Variants in KLHL29 observed in about 807,000 individuals in gnomAD.
The protein encoded by KLHL29 is kelch like family member 29.
KLHL29 carries 21 observed loss-of-function variants against 80.4 expected under a neutral mutation model. That is an observed-to-expected ratio of 0.26 (90% CI 0.19 to 0.38). The LOEUF (loss-of-function observed/expected upper bound fraction) is 0.38. KLHL29 is among the 10% of genes least tolerant of loss of function. KLHL29 has a pLI of 1.00. For synonymous variants in KLHL29, 511 were observed against 526.8 expected (o/e 0.97, Z 0.41); for missense variants, 867 against 1,223.9 (o/e 0.71, Z 4.35).
At chr2:23,668,897 C>G (rs1275304425) in intron 5 of KLHL29, 1 of 152,514 alleles carries the variant, frequency 6.6e-6, no homozygotes, top group Non-Finnish European at 1.5e-5. Flanking sequence ...AGGGAGCCAG[C>G]CTGGGCCTCC....
intron 3 of KLHL29, among the ~76,000 whole-genome samples, chr2:23,586,061 G>T (rs1054293779): frequency 6.6e-6 from 1 of 152,072 alleles, no homozygotes; most frequent in Non-Finnish European, 1.5e-5. Flanking sequence ...CCTCTGGGGA[G>T]GCTTAACTAT....
chr2:23,510,187 G>A (rs1042647051), intron 2 of KLHL29, among the ~76,000 whole-genome samples: 4 of 152,110 alleles, frequency 2.6e-5, no homozygotes, highest in African/African-American at 9.7e-5. Flanking sequence ...CTGAAATCTT[G>A]CCCTCAGAAG....
At chr2:23,492,605 G>C (rs1002107363) in intron 2 of KLHL29, among the ~76,000 whole-genome samples, 3 of 152,222 alleles carry the variant, frequency 2.0e-5, no homozygotes. Flanking sequence ...TGGGAAGTAA[G>C]GGAATTAAGA....
chr2:23,627,924 T>TTTTTTTTTA (rs1558414555), intron 3 of KLHL29, among the ~76,000 whole-genome samples: 2 of 149,934 alleles, frequency 1.3e-5, no homozygotes, highest in Admixed American at 6.6e-5. Flanking sequence ...TTTTTTTTTT[T>TTTTTTTTTA]GAGATGGAGT....
At chr2:23,516,150 C>G (rs140009879) in intron 2 of KLHL29, among the ~76,000 whole-genome samples, 1 of 152,212 alleles carries the variant, frequency 6.6e-6, no homozygotes, top group Non-Finnish European at 1.5e-5. Context: ...TCCCTTCTGC[C>G]CTGCCCAGCC....
intron 5 of KLHL29, among the ~76,000 whole-genome samples, chr2:23,678,261 C>T (rs1173034155): frequency 6.6e-6 from 1 of 152,224 alleles, no homozygotes; most frequent in African/African-American, 2.4e-5. Context: ...CCTCGTGCCA[C>T]TTGCCGCTGC....
intron 1 of KLHL29, among the ~76,000 whole-genome samples, chr2:23,470,295 G>A (rs143264999): frequency 8.9e-4 from 136 of 152,200 alleles, no homozygotes; most frequent in African/African-American, 3.1e-3. Context: ...GGAAAGTTTC[G>A]TACTCCAGAG....
At chr2:23,486,734 C>T (rs1664940825) in intron 2 of KLHL29, among the ~76,000 whole-genome samples, 1 of 152,210 alleles carries the variant, frequency 6.6e-6, no homozygotes, top group African/African-American at 2.4e-5. Flanking sequence ...TTGCAGCCAC[C>T]TCCTGGAGGG....
intron 2 of KLHL29, among the ~76,000 whole-genome samples, chr2:23,484,228 C>T (rs958269463): frequency 6.6e-6 from 1 of 152,182 alleles, no homozygotes; most frequent in African/African-American, 2.4e-5. Flanking sequence ...CCGCCAATAC[C>T]TATTTTCACC....
chr2:23,662,322 T>C (rs1284866202), intron 5 of KLHL29, among the ~76,000 whole-genome samples: 2 of 152,228 alleles, frequency 1.3e-5, no homozygotes, highest in African/African-American at 2.4e-5. Context: ...CCACCAACCA[T>C]AGGAAATTCC....
intron 1 of KLHL29, among the ~76,000 whole-genome samples, chr2:23,449,952 T>A (rs1020547935): frequency 3.3e-5 from 5 of 152,200 alleles, no homozygotes; most frequent in African/African-American, 1.2e-4. Flanking sequence ...CTTTATTCTG[T>A]GCTCAAGCCA....
intron 1 of KLHL29, among the ~76,000 whole-genome samples, chr2:23,420,449 G>A (rs891233889): frequency 2.6e-5 from 4 of 152,202 alleles, no homozygotes; most frequent in African/African-American, 7.2e-5. Context: ...ACACAGGCCC[G>A]CTGGCTCCCG....
At chr2:23,455,526 A>G (rs1664025305) in intron 1 of KLHL29, among the ~76,000 whole-genome samples, 1 of 152,094 alleles carries the variant, frequency 6.6e-6, no homozygotes, top group Admixed American at 6.5e-5. Context: ...TTTCTGCTCT[A>G]AGAAGTTTCC....
At chr2:23,516,776 C>T (rs1165645893) in intron 2 of KLHL29, among the ~76,000 whole-genome samples, 1 of 152,242 alleles carries the variant, frequency 6.6e-6, no homozygotes, top group African/African-American at 2.4e-5. Context: ...CCTGCCCTGG[C>T]ACTGGGGAGG....
At chr2:23,508,779 C>T (rs1458930354) in intron 2 of KLHL29, among the ~76,000 whole-genome samples, 2 of 152,222 alleles carry the variant, frequency 1.3e-5, no homozygotes, top group Non-Finnish European at 2.9e-5. Flanking sequence ...ACAGGCAATT[C>T]AGCAAACCAG....
At chr2:23,412,127 G>T (rs373496509) in intron 1 of KLHL29, among the ~76,000 whole-genome samples, 2 of 134,528 alleles carry the variant, frequency 1.5e-5, no homozygotes, top group Non-Finnish European at 1.5e-5. Context: ...CGTGAAGGGG[G>T]GGGGGGGGCG....
intron 1 of KLHL29, among the ~76,000 whole-genome samples, chr2:23,447,640 G>A (rs1028116548): frequency 1.3e-5 from 2 of 152,198 alleles, no homozygotes; most frequent in African/African-American, 4.8e-5. Context: ...CTGAGTCTCA[G>A]TGTCTAAACC....
intron 2 of KLHL29, among the ~76,000 whole-genome samples, chr2:23,542,585 G>A (rs964772501): frequency 1.3e-5 from 2 of 152,242 alleles, no homozygotes; most frequent in South Asian, 2.1e-4. Context: ...CATCCTCGGG[G>A]CTTGTCAGGC....
intron 2 of KLHL29, among the ~76,000 whole-genome samples, chr2:23,535,071 A>G (rs142982563): frequency 1.2e-4 from 18 of 152,384 alleles, no homozygotes; most frequent in Non-Finnish European, 1.8e-4. Context: ...AGATTTGGAC[A>G]GTTACTTTAT....
Sources: gnomAD v4.1 joint callset for allele counts (sites outside exome capture counted in the v4.1 genomes callset) on GRCh38, gnomAD v4.1.1 for gene constraint, MANE v1.5 for transcripts, NCBI Gene and HGNC (gene_info 2026-07-23, HGNC 2026-07-21) for gene names.